The following SESTD1 variants were observed in gnomAD, a reference collection of about 807,000 sequenced individuals.
The protein encoded by SESTD1 is SEC14 and spectrin domain containing 1.
In SESTD1, 43 loss-of-function variants were observed where a neutral mutation model predicts 101.7. That is an observed-to-expected ratio of 0.42 (90% confidence interval 0.33 to 0.55). SESTD1 has a LOEUF of 0.55. Ranked by LOEUF, SESTD1 falls within the 20% of genes least tolerant of loss-of-function variation. The probability of loss-of-function intolerance (pLI) is 0.07; values close to 1 mark genes in which losing one functional copy is unlikely to be tolerated. For missense variants in SESTD1, 647 were observed against 815.1 expected, an observed-to-expected ratio of 0.79 and a Z score of 2.51; for synonymous variants, 283 against 286.8, an observed-to-expected ratio of 0.99 and a Z score of 0.13.
intron 10 of SESTD1, among the ~76,000 whole-genome samples, chr2:179,125,963 C>T (rs1341609925): frequency 6.6e-6 from 1 of 152,176 alleles, no homozygotes; most frequent in Non-Finnish European, 1.5e-5. Flanking sequence ...GCATTACAGC[C>T]TATCTCTGTT....
At chr2:179,125,249 C>CTGTT (rs1335919051) in intron 10 of SESTD1, among the ~76,000 whole-genome samples, 4 of 152,316 alleles carry the variant, frequency 2.6e-5, no homozygotes, top group East Asian at 1.9e-4. Context: ...CCATTCACCT[C>CTGTT]TGTTTGTAGG....
chr2:179,119,521 T>C (rs1354975188), intron 13 of SESTD1, among the ~76,000 whole-genome samples: 1 of 152,206 alleles, frequency 6.6e-6, no homozygotes, highest in Non-Finnish European at 1.5e-5. Flanking sequence ...AGGAGCCTGG[T>C]GGGATGTGAT....
intron 3 of SESTD1, among the ~76,000 whole-genome samples, chr2:179,181,954 G>A (rs2046119501): frequency 6.9e-6 from 1 of 144,766 alleles, no homozygotes. Context: ...TGAAAAAATT[G>A]AAAATTTTCA....
chr2:179,106,684 A>G lies in SESTD1; in HGVS notation c.*3215T>C, dbSNP rs2044390546. The stretch of plus-strand genomic sequence containing the variant: ...AATTTGTATAAAGTGAGAAGTATTC[A>G]ATCTTCTACCTAACAATGAAGCCTA... On this transcript the variant is annotated 3_prime_UTR_variant, in exon 18 of 18. Transcript: ENST00000428443. 1 of 152,184 alleles carries G rather than the reference A, an allele frequency of 6.6e-6. No individual in the cohort carries two copies. The allele number at this position is 152,184 out of a possible 1,614,324, so 9.4% of individuals were successfully genotyped here. A position where few individuals can be genotyped will look rare whatever the true frequency, so the allele number is the denominator to read the frequency against.
intron 1 of SESTD1, among the ~76,000 whole-genome samples, chr2:179,221,400 G>A (rs984982412): frequency 4.0e-5 from 6 of 151,860 alleles, no homozygotes; most frequent in African/African-American, 1.2e-4. Context: ...ATCACCTGAG[G>A]TCAGGCGTTC....
chr2:179,206,223 CAAG>C (rs2046588813), intron 1 of SESTD1, among the ~76,000 whole-genome samples: 1 of 135,040 alleles, frequency 7.4e-6, no homozygotes, highest in Non-Finnish European at 1.6e-5. Flanking sequence ...ACTTTTGTTC[CAAG>C]AATGACCACA....
chr2:179,127,704 G>A lies in SESTD1; in HGVS notation c.973-3146C>T, dbSNP rs146156624. Among the ~76,000 whole-genome samples the A allele has an allele frequency of 3.6e-3, 555 of 152,276 alleles. 6 individuals carry two copies. The highest frequency in any genetic ancestry group is 0.013 in the African/African-American group (523 of 41,548). ...CCCAAAGTCTCAAGAGTCTGCTGAG[G>A]ATGAGAAATCCTCCTATATCCAATG... On this transcript the variant is annotated intron_variant, in intron 10 of 17. Coordinates refer to ENST00000428443, the MANE Select transcript of SESTD1 (RefSeq NM_178123.5).
At chr2:179,135,842 G>A (rs1479599380) in intron 9 of SESTD1, among the ~76,000 whole-genome samples, 2 of 152,158 alleles carry the variant, frequency 1.3e-5, no homozygotes, top group African/African-American at 4.8e-5. Context: ...CAGCCTAAGT[G>A]CTATAACTTT....
chr2:179,221,618 GAA>G (rs751713024), intron 1 of SESTD1, among the ~76,000 whole-genome samples: 6 of 120,440 alleles, frequency 5.0e-5, no homozygotes, highest in Admixed American at 8.7e-5. Context: ...GACTGTTAAG[GAA>G]AAAAAAAAAA....
intron 1 of SESTD1, among the ~76,000 whole-genome samples, chr2:179,207,955 C>A (rs1297464512): frequency 7.5e-6 from 1 of 133,788 alleles, no homozygotes; most frequent in East Asian, 2.0e-4. Flanking sequence ...AAGGTGAAAA[C>A]CAACTTAAAG....
At chr2:179,114,938 G>C in intron 16 of SESTD1, 127 bp downstream of exon 16, 4 of 811,512 alleles carry the variant, frequency 4.9e-6, no homozygotes, top group Non-Finnish European at 3.7e-6. Context: ...TAAACAAACC[G>C]TAACAACGGA....
At chr2:179,253,955 C>T (rs891385733) in intron 1 of SESTD1, among the ~76,000 whole-genome samples, 10 of 151,946 alleles carry the variant, frequency 6.6e-5, no homozygotes, top group South Asian at 6.2e-4. Flanking sequence ...CAAAAATTAA[C>T]CAGGTGTGGT....
At chr2:179,142,120 TAA>T (rs1466104768) in intron 9 of SESTD1, among the ~76,000 whole-genome samples, 2 of 152,180 alleles carry the variant, frequency 1.3e-5, no homozygotes, top group Non-Finnish European at 1.5e-5. Context: ...GTATAATAAA[TAA>T]AAGTTTATTG....
chr2:179,185,682 T>TACATATAATATAGTATATTATATACA, intron 2 of SESTD1, among the ~76,000 whole-genome samples: 1 of 107,846 alleles, frequency 9.3e-6, no homozygotes. Flanking sequence ...TATAGCATAT[T>TACATATAATATAGTATATTATATACA]ATATATAATA....
intron 1 of SESTD1, among the ~76,000 whole-genome samples, chr2:179,212,904 C>T (rs1194176904): frequency 7.4e-6 from 1 of 134,664 alleles, no homozygotes; most frequent in Non-Finnish European, 1.6e-5. Context: ...AGCTGAGGGA[C>T]CTGACTGTTA....
chr2:179,258,021 G>C (rs997942270), intron 1 of SESTD1, among the ~76,000 whole-genome samples: 14 of 152,166 alleles, frequency 9.2e-5, no homozygotes, highest in Non-Finnish European at 1.8e-4. Flanking sequence ...ATTTTACAAA[G>C]ACAAGACACA....
rs747094891 is a variant in SESTD1 at position 179,116,745 on chromosome 2, G to C, written c.1570C>G (p.His524Asp). ...SELLDALLKT[H>D]IRLGDDAQET... ...TGAGCATCATCGCCCAATCTGATGT[G>C]AGTCTTAAGCAGAGCATCCAGAAGT... The change falls in exon 15 of 18, where the codon CAC (histidine) becomes GAC (aspartate). Residue 524 changes from histidine to aspartate, a missense_variant. His to Asp is a moderately conservative substitution (Grantham distance 81). This residue lies in a region of SESTD1 where 476 missense variants were observed against 562.6 expected (regional missense o/e 0.85). Coordinates refer to ENST00000428443, the MANE Select transcript of SESTD1 (RefSeq NM_178123.5). 1 of 1,614,120 alleles carries C rather than the reference G, an allele frequency of 6.2e-7. No homozygotes were observed. The highest frequency in any genetic ancestry group is 2.2e-5 in the East Asian group (1 of 44,872).
chr2:179,263,996 G>A (rs1281366885), intron 1 of SESTD1: 1 of 152,302 alleles, frequency 6.6e-6, no homozygotes, highest in African/African-American at 2.4e-5. Flanking sequence ...CCGGTCACCG[G>A]TCACACAAAG....
chr2:179,193,569 A>G (rs1289711920), intron 1 of SESTD1, among the ~76,000 whole-genome samples: 3 of 152,222 alleles, frequency 2.0e-5, no homozygotes, highest in Admixed American at 2.0e-4. Context: ...GGTGATAATA[A>G]TTATTATAAT....
Sources: allele counts gnomAD v4.1 joint callset (sites outside exome capture counted in the v4.1 genomes callset), GRCh38; gene constraint gnomAD v4.1.1; regional missense constraint gnomAD v4.1.1; transcripts MANE v1.5; gene names NCBI Gene and HGNC (gene_info 2026-07-23, HGNC 2026-07-21).